Variants in TARBP1 observed in about 807,000 individuals in gnomAD.
The protein encoded by TARBP1 is tRNA (guanosine(18)-2'-O)-methyltransferase TARBP1.
In TARBP1, 144 loss-of-function variants were observed where a neutral mutation model predicts 178.6. The ratio of observed to expected loss-of-function variants is 0.81; its 90% CI spans 0.70 to 0.93. TARBP1 has a LOEUF of 0.93. TARBP1 is among the 40% of genes least tolerant of loss of function. The pLI, the probability that TARBP1 is intolerant of heterozygous loss-of-function variation, is 0.00. For synonymous variants in TARBP1, 787 were observed against 781.0 expected (o/e 1.01, Z -0.13); for missense variants, 2,067 against 2,011.7 (o/e 1.03, Z -0.53).
chr1:234,398,829 A>C (rs1172907908), intron 25 of TARBP1, among the ~76,000 whole-genome samples: 1 of 152,220 alleles, frequency 6.6e-6, no homozygotes, highest in Non-Finnish European at 1.5e-5. Context: ...TGCCTAATAA[A>C]AACAGTGTTT....
rs543930869 is a variant in TARBP1 at position 234,407,341 on chromosome 1, C to CTTTTTTTTTTTTTTTTT, written c.3793-1243_3793-1242insAAAAAAAAAAAAAAAAA. ...TTACAAGAGATTTGTCTTGTCCATCCTTTTTTTTTTTTTTGAGATGGAGTC... is the reference window on the plus strand; with the variant it reads ...TTACAAGAGATTTGTCTTGTCCATCCTTTTTTTTTTTTTTTTTTTTTTTTTTTTTTTGAGATGGAGTC... On this transcript the variant is annotated intron_variant, in intron 23 of 29. Coordinates refer to ENST00000040877, the MANE Select transcript of TARBP1 (RefSeq NM_005646.4). The CTTTTTTTTTTTTTTTTT allele has an allele frequency of 1.5e-3, 212 of 136,956 alleles. 2 individuals are homozygous for CTTTTTTTTTTTTTTTTT. The highest frequency in any genetic ancestry group is 5.6e-3 in the African/African-American group (203 of 36,522). The allele number at this position is 136,956 out of a possible 1,614,324, so 8.5% of individuals were successfully genotyped here.
chr1:234,448,350 T>G (rs1666393459), intron 11 of TARBP1, 130 bp downstream of exon 11: 1 of 694,710 alleles, frequency 1.4e-6, no homozygotes. Context: ...CAGTATACTG[T>G]TAATGTTCTA....
Position 234,420,784 on chromosome 1 carries a change from C to T in TARBP1, c.3473G>A (p.Arg1158His), listed in dbSNP as rs183482799. The T allele has an allele frequency of 1.2e-6, 2 of 1,610,000 alleles. No individual in the cohort carries two copies. Among genetic ancestry groups the T allele is most frequent in the Admixed American group, 1.7e-5 (1 of 59,412 alleles). ...KDELVSKSKK[R>H]YYVNSLQHRV... ...GTGCTGTAGAGAATTCACATAGTAGCGTTTTTTGGACTTGGACACTAATTC... is the reference window on the plus strand; with the variant it reads ...GTGCTGTAGAGAATTCACATAGTAGTGTTTTTTGGACTTGGACACTAATTC... The change falls in exon 21 of 30, where the codon CGC (arginine) becomes CAC (histidine). Residue 1158 changes from arginine to histidine, a missense_variant. By Grantham distance (29) the Arg-to-His change is conservative (BLOSUM62 0). Transcript: ENST00000040877.
intron 20 of TARBP1, among the ~76,000 whole-genome samples, chr1:234,422,722 A>AAAGGG (rs887724636): frequency 7.9e-5 from 12 of 152,300 alleles, no homozygotes; most frequent in African/African-American, 2.6e-4. Context: ...GTACATTTTA[A>AAAGGG]AATAACTAAC....
In TARBP1 at chr1:234,429,613, G is replaced by C; in HGVS notation, c.2674C>G (p.Gln892Glu). Residue 892 changes from glutamine (Q) to glutamate (E), a missense_variant, in exon 16 of 30, where the codon CAA becomes GAA. By Grantham distance (29) the Gln-to-Glu change is conservative (BLOSUM62 2). Coordinates refer to ENST00000040877, the MANE Select transcript of TARBP1 (RefSeq NM_005646.4). ...GKIVAQYIHD[Q>E]WVCLSFLLKK... is the part of the protein sequence containing the mutation. ...AACAGGAAAGAGAGGCACACCCATT[G>C]ATCATGAATATATTGTGCAACTATT... 6.2e-7 allele frequency: 1 copy of C among 1,613,996 alleles called. No individual in the cohort carries two copies. The highest frequency in any genetic ancestry group is 8.5e-7 in the Non-Finnish European group (1 of 1,179,960).
intron 19 of TARBP1, 43 bp downstream of exon 19, chr1:234,427,274 G>T (rs376920473): frequency 1.5e-5 from 21 of 1,372,182 alleles, no homozygotes; most frequent in Non-Finnish European, 1.9e-5. Flanking sequence ...TAAATTTTTA[G>T]TATCTCATTT....
rs764538987 is a variant in TARBP1 at position 234,398,425 on chromosome 1, T to C, written c.4200A>G (p.Gln1400=). The C allele has an allele frequency of 3.7e-6, 6 of 1,611,396 alleles. No individual in the cohort carries two copies. Among genetic ancestry groups the C allele is most frequent in the Admixed American group, 3.3e-5 (2 of 59,910 alleles). Reference sequence around the variant, plus strand: ...AGTCACCTGGTTTTAGTTTACTAAGTTGAGTTTGAGAAAGGTACCACTGAA... The same window carrying C: ...AGTCACCTGGTTTTAGTTTACTAAGCTGAGTTTGAGAAAGGTACCACTGAA... ...AGFQWYLSQT[Q]LSKLKPGDWS... is the part of the protein sequence containing the mutation. Residue 1400 remains glutamine (Q), a synonymous_variant, in exon 26 of 30, where the codon CAA becomes CAG. Transcript: ENST00000040877.
At chr1:234,475,480 C>T (rs1669487314) in intron 1 of TARBP1, among the ~76,000 whole-genome samples, 1 of 152,252 alleles carries the variant, frequency 6.6e-6, no homozygotes, top group African/African-American at 2.4e-5. Flanking sequence ...TGATACAAAG[C>T]TGGTCTGCAG....
chr1:234,423,152 G>A (rs771826574), intron 20 of TARBP1, among the ~76,000 whole-genome samples: 8 of 152,180 alleles, frequency 5.3e-5, no homozygotes, highest in East Asian at 1.9e-4. Context: ...TTTCTAGTCC[G>A]TTTTCCAAAG....
intron 23 of TARBP1, among the ~76,000 whole-genome samples, chr1:234,408,337 T>C (rs1661473687): frequency 1.3e-5 from 2 of 152,202 alleles, no homozygotes; most frequent in Non-Finnish European, 1.5e-5. Context: ...GCTGTCCTTG[T>C]TCATTCCTGG....
At chr1:234,477,591 A>C (rs1669682705) in intron 1 of TARBP1, among the ~76,000 whole-genome samples, 2 of 152,234 alleles carry the variant, frequency 1.3e-5, no homozygotes, top group African/African-American at 4.8e-5. Context: ...AGCAAAGCTC[A>C]AACAGTTAAA....
chr1:234,475,541 C>A (rs535748981), intron 1 of TARBP1, among the ~76,000 whole-genome samples: 2 of 152,348 alleles, frequency 1.3e-5, no homozygotes, highest in South Asian at 2.1e-4. Flanking sequence ...CAGACACTCA[C>A]GCAGAATGCA....
intron 9 of TARBP1, among the ~76,000 whole-genome samples, chr1:234,451,219 C>T (rs1008217370): frequency 2.6e-5 from 4 of 152,162 alleles, no homozygotes; most frequent in African/African-American, 7.2e-5. Context: ...TCTTTGGTCA[C>T]GTATAATGGT....
Position 234,478,958 on chromosome 1 carries a change from C to T in TARBP1, c.146G>A (p.Arg49His). ...GAGCGCGCCTGCGCCCCCGCTGCCG[C>T]GCGCCTCCTCGTCCTCGAGCCGCTG... ...LLQRLEDEEARGSGGAGALPE... is the reference protein window; with the variant it reads ...LLQRLEDEEAHGSGGAGALPE... Residue 49 changes from arginine to histidine, a missense_variant, in exon 1 of 30, where the codon CGC (arginine) becomes CAC (histidine). Coordinates refer to ENST00000040877, the MANE Select transcript of TARBP1 (RefSeq NM_005646.4). 3 of 1,461,988 alleles carry T rather than the reference C, an allele frequency of 2.1e-6. No homozygotes were observed. The highest frequency in any genetic ancestry group is 2.7e-6 in the Non-Finnish European group (3 of 1,115,804). 90.6% of individuals were successfully genotyped at this position (1,461,988 alleles called of 1,614,324 possible).
At chr1:234,465,069 CGGATGGATGGATGGATGGAT>C (rs34607418) in intron 5 of TARBP1, among the ~76,000 whole-genome samples, 1 of 150,654 alleles carries the variant, frequency 6.6e-6, no homozygotes, top group Admixed American at 6.6e-5. Flanking sequence ...GATGGATGAA[CGGATGGATGGATGGATGGAT>C]GGATGGATGG....
intron 12 of TARBP1, among the ~76,000 whole-genome samples, chr1:234,442,919 T>C (rs548252416): frequency 6.6e-6 from 1 of 152,266 alleles, no homozygotes; most frequent in East Asian, 1.9e-4. Flanking sequence ...GCACATTCCC[T>C]GGTCACTGCC....
chr1:234,437,727 T>C (rs919569328), intron 12 of TARBP1, among the ~76,000 whole-genome samples: 1 of 152,166 alleles, frequency 6.6e-6, no homozygotes, highest in African/African-American at 2.4e-5. Context: ...TACTAATGTT[T>C]CTCCCTCTGG....
At chr1:234,415,018 A>AG (rs1553278473) in intron 22 of TARBP1, among the ~76,000 whole-genome samples, 4 of 152,002 alleles carry the variant, frequency 2.6e-5, no homozygotes, top group Non-Finnish European at 5.9e-5. Context: ...TTAAAAAAAA[A>AG]CTAAACCTCT....
In TARBP1 at chr1:234,401,164, T is replaced by C; in HGVS notation, c.4071+17A>G. 2 of 1,587,656 alleles carry C rather than the reference T, an allele frequency of 1.3e-6. No homozygotes were observed. Among genetic ancestry groups the C allele is most frequent in the South Asian group, 2.2e-5 (2 of 89,920 alleles). On this transcript the variant is annotated intron_variant, in intron 25 of 29. Transcript: ENST00000040877. The stretch of plus-strand genomic sequence containing the variant: ...AAAGATACAATAGAGAATTTACAAA[T>C]GATATTCTCTACTCACCTCTAGACA...
Sources: allele counts gnomAD v4.1 joint callset (sites outside exome capture counted in the v4.1 genomes callset), GRCh38; gene constraint gnomAD v4.1.1; transcripts MANE v1.5; gene names NCBI Gene and HGNC (gene_info 2026-07-23, HGNC 2026-07-21).